Variants in PDE7A observed in about 807,000 individuals in gnomAD.
PDE7A encodes the protein phosphodiesterase 7A, also known as high affinity 3',5'-cyclic-AMP phosphodiesterase 7A.
In PDE7A, 39 loss-of-function variants were observed where a neutral mutation model predicts 64.3. That is an observed-to-expected ratio of 0.61 (90% CI 0.47 to 0.79). PDE7A has a LOEUF of 0.79. Among genes scored for constraint, PDE7A ranks in the 30% least tolerant of loss-of-function variants. PDE7A has a pLI of 0.00. For missense variants in PDE7A, 470 were observed against 582.8 expected (o/e 0.81, Z 1.99); for synonymous variants, 203 against 206.8 (o/e 0.98, Z 0.16).
intron 1 of PDE7A, among the ~76,000 whole-genome samples, chr8:65,823,914 GT>G (rs1340350799): frequency 1.3e-5 from 2 of 152,066 alleles, no homozygotes; most frequent in Non-Finnish European, 2.9e-5. Flanking sequence ...AAAAGGGAAA[GT>G]TTCCCACAAA....
chr8:65,767,184 G>T (rs575753057), intron 3 of PDE7A, among the ~76,000 whole-genome samples: 1 of 152,232 alleles, frequency 6.6e-6, no homozygotes, highest in African/African-American at 2.4e-5. Context: ...CAGCTTTGGG[G>T]GACAGACACA....
intron 3 of PDE7A, among the ~76,000 whole-genome samples, chr8:65,774,319 A>ATTATGC (rs1554564574): frequency 3.3e-5 from 5 of 151,680 alleles, no homozygotes; most frequent in Admixed American, 1.3e-4. Flanking sequence ...TAGTGAGAAT[A>ATTATGC]TTATAAAAAG....
chr8:65,799,283 G>C (rs533289214), intron 1 of PDE7A, among the ~76,000 whole-genome samples: 27 of 152,118 alleles, frequency 1.8e-4, no homozygotes, highest in African/African-American at 6.3e-4. Flanking sequence ...AACCCCCAGA[G>C]GAAATTTAGC....
chr8:65,738,689 T>C (rs1043380621), intron 6 of PDE7A, among the ~76,000 whole-genome samples: 45 of 152,162 alleles, frequency 3.0e-4, no homozygotes, highest in Non-Finnish European at 4.7e-4. Context: ...CGCCTCAGCC[T>C]CCCAAAGTGC....
At chr8:65,759,384 C>A (rs184790509) in intron 3 of PDE7A, among the ~76,000 whole-genome samples, 3 of 152,204 alleles carry the variant, frequency 2.0e-5, no homozygotes, top group Non-Finnish European at 2.9e-5. Flanking sequence ...CTCAGGGATC[C>A]GCCAGAATGA....
At chr8:65,832,721 C>G (rs1184104052) in intron 1 of PDE7A, among the ~76,000 whole-genome samples, 9 of 152,116 alleles carry the variant, frequency 5.9e-5, no homozygotes, top group Admixed American at 5.9e-4. Context: ...TTCCTGAATT[C>G]AAGCAACCCT....
chr8:65,835,004 T>C (rs1810919086), intron 1 of PDE7A, among the ~76,000 whole-genome samples: 1 of 152,170 alleles, frequency 6.6e-6, no homozygotes, highest in South Asian at 2.1e-4. Flanking sequence ...GTATCACTTA[T>C]TTGTGAATAA....
intron 1 of PDE7A, among the ~76,000 whole-genome samples, chr8:65,816,543 T>C (rs1176661152): frequency 5.3e-5 from 8 of 152,242 alleles, no homozygotes; most frequent in African/African-American, 9.6e-5. Context: ...GTAGGTCTGA[T>C]AGCTACAAAT....
At chr8:65,774,538 T>C (rs1461489450) in intron 3 of PDE7A, among the ~76,000 whole-genome samples, 1 of 152,038 alleles carries the variant, frequency 6.6e-6, no homozygotes, top group Non-Finnish European at 1.5e-5. Flanking sequence ...TTAAAAATTA[T>C]TGACAACCCA....
intron 1 of PDE7A, among the ~76,000 whole-genome samples, chr8:65,803,926 C>T (rs1055638877): frequency 6.6e-6 from 1 of 152,100 alleles, no homozygotes; most frequent in African/African-American, 2.4e-5. Flanking sequence ...TGTGTATATG[C>T]ATCTCTCCTT....
chr8:65,811,833 C>A (rs1400515019), intron 1 of PDE7A, among the ~76,000 whole-genome samples: 1 of 152,108 alleles, frequency 6.6e-6, no homozygotes, highest in Non-Finnish European at 1.5e-5. Context: ...ATAATCCTAT[C>A]AAATACAAAA....
chr8:65,839,223 TAAA>T (rs1554572851), intron 1 of PDE7A, among the ~76,000 whole-genome samples: 87 of 149,726 alleles, frequency 5.8e-4, no homozygotes, highest in Middle Eastern at 6.8e-3. Flanking sequence ...GTCTTTTTTT[TAAA>T]AAAAAAAGGG....
intron 12 of PDE7A, chr8:65,722,291 C>T (rs17395816): frequency 0.062 from 9,500 of 152,364 alleles, 335 homozygotes; most frequent in African/African-American, 0.083. Flanking sequence ...CAGTTCTACA[C>T]GCTCTTCCCT....
At chr8:65,789,089 G>A in intron 1 of PDE7A, 1 of 1,388,184 alleles carries the variant, frequency 7.2e-7, no homozygotes, top group Non-Finnish European at 9.4e-7. Flanking sequence ...CCTTCCAACA[G>A]TGATCACCTG....
rs113930207 is a variant in PDE7A at position 65,744,979 on chromosome 8, A to G, written c.499+428T>C. Among the ~76,000 whole-genome samples, 1,105 of 152,308 alleles carry G rather than the reference A, an allele frequency of 7.3e-3. 4 individuals are homozygous for G. Among genetic ancestry groups the G allele is most frequent in the Middle Eastern group, 0.014 (4 of 294 alleles). Reference sequence around the variant, plus strand: ...AATCTCACCTTGAATTGTAGTTCCCATAATTCCCATGTGTTGTGGGAGGGA... The same window carrying G: ...AATCTCACCTTGAATTGTAGTTCCCGTAATTCCCATGTGTTGTGGGAGGGA... On this transcript the variant is annotated intron_variant, in intron 5 of 12. Coordinates refer to ENST00000401827, the MANE Select transcript of PDE7A (RefSeq NM_001242318.3).
chr8:65,755,693 T>G (rs1808202342), intron 3 of PDE7A, among the ~76,000 whole-genome samples: 1 of 152,284 alleles, frequency 6.6e-6, no homozygotes, highest in South Asian at 2.1e-4. Flanking sequence ...TATTTACTTG[T>G]GTAGTAACCT....
chr8:65,783,142 T>C (rs1809462856), intron 1 of PDE7A, among the ~76,000 whole-genome samples: 1 of 152,218 alleles, frequency 6.6e-6, no homozygotes, highest in Admixed American at 6.5e-5. Flanking sequence ...TGGGGTGACA[T>C]CTGTGTTGAC....
intron 2 of PDE7A, chr8:65,780,776 C>G (rs1321790506): frequency 6.6e-6 from 1 of 152,260 alleles, no homozygotes; most frequent in African/African-American, 2.4e-5. Flanking sequence ...AGTTCATAAC[C>G]TTTAAATCTT....
chr8:65,758,095 G>C (rs1170074334), intron 3 of PDE7A, among the ~76,000 whole-genome samples: 5 of 152,196 alleles, frequency 3.3e-5, no homozygotes, highest in Non-Finnish European at 7.3e-5. Flanking sequence ...ATTGCTGGTT[G>C]TAATACTAGT....
Sources: gnomAD v4.1 joint callset for allele counts (sites outside exome capture counted in the v4.1 genomes callset) on GRCh38, gnomAD v4.1.1 for gene constraint, MANE v1.5 for transcripts, NCBI Gene and HGNC (gene_info 2026-07-23, HGNC 2026-07-21) for gene names.